Variants in SNED1 observed in about 807,000 individuals in gnomAD.
The protein encoded by SNED1 is sushi, nidogen and EGF-like domain-containing protein 1.
In SNED1, 81 loss-of-function variants were observed where a neutral mutation model predicts 166.7. That is an observed-to-expected ratio of 0.49 (90% CI 0.41 to 0.58). The LOEUF (loss-of-function observed/expected upper bound fraction) is 0.58, where lower values mean the gene tolerates loss of function less well. Among genes scored for constraint, SNED1 ranks in the 20% least tolerant of loss-of-function variants. SNED1 has a pLI of 0.00. For missense variants in SNED1, 1,604 were observed against 2,000.2 expected (o/e 0.80, Z 3.78); for synonymous variants, 762 against 822.0 (o/e 0.93, Z 1.25).
rs1336343531 is a variant in SNED1, at chr2:241,073,263, T to G, written c.3818-3T>G. ...CGTGTGGTCACCGCCTGGCTTCTCCTAGAACCCACAGCCTCGGCGCAGCTC... is the reference window on the plus strand; with the variant it reads ...CGTGTGGTCACCGCCTGGCTTCTCCGAGAACCCACAGCCTCGGCGCAGCTC... On this transcript the variant is annotated splice_polypyrimidine_tract_variant and splice_region_variant and intron_variant, in intron 26 of 31. Coordinates refer to ENST00000310397, the MANE Select transcript of SNED1 (RefSeq NM_001080437.3). This position sits in a 1 kb window ranked among gnomAD's most constrained non-coding sequence, Gnocchi z 6.6. The G allele has an allele frequency of 1.9e-6, 3 of 1,554,044 alleles. No individual in the cohort carries two copies. The African/African-American group carries it at 4.1e-5, about 21-fold the overall frequency.
chr2:241,069,953 G>A lies in SNED1; in HGVS notation c.3341G>A (p.Arg1114Gln), dbSNP rs373280615. 2.9e-5 allele frequency: 46 copies of A among 1,612,728 alleles called. No individual in the cohort carries two copies. The highest frequency in any genetic ancestry group is 3.6e-5 in the Non-Finnish European group (42 of 1,179,826). ...CCTCCAGCAAACCTGACCGCCGCCC[G>A]AGTCACTGCCACCTCTGCCCACGTG... ...PLPPANLTAA[R>Q]VTATSAHVVW... Residue 1114 changes from arginine to glutamine, a missense_variant, in exon 24 of 32, where the codon CGA becomes CAA. This residue lies in a region of SNED1 where 1,237 missense variants were observed against 1,620.8 expected (regional missense o/e 0.76). Transcript: ENST00000310397. This position sits in a 1 kb window ranked among gnomAD's most constrained non-coding sequence, Gnocchi z 4.9.
Position 241,082,336 on chromosome 2 carries a change from G to A in SNED1, c.4093G>A (p.Val1365Ile). 6.2e-7 allele frequency: 1 copy of A among 1,613,590 alleles called. No individual in the cohort carries two copies. Among genetic ancestry groups the A allele is most frequent in the Non-Finnish European group, 8.5e-7 (1 of 1,179,562 alleles). ...RLFSETKAFP[V>I]WEGGVCHHVY... ...GTTCTCCGAGACAAAGGCCTTTCCA[G>A]TCTGGGAGGGAGGCGTCTGTCACCA... The change falls in exon 29 of 32, where the codon GTC becomes ATC. Residue 1365 changes from valine (V) to isoleucine (I), a missense_variant. This residue lies in a region of SNED1 where 367 missense variants were observed against 379.4 expected (regional missense o/e 0.97). Coordinates refer to ENST00000310397, the MANE Select transcript of SNED1 (RefSeq NM_001080437.3).
At position 241,064,832 on chromosome 2, in the gene SNED1, T is replaced by G. The variant is rs764311349; in HGVS notation, c.2600-12T>G. On this transcript the variant is annotated splice_polypyrimidine_tract_variant and intron_variant, in intron 19 of 31. Transcript: ENST00000310397. The surrounding 1 kb of genome is among the most constrained non-coding windows in gnomAD (Gnocchi z 7.0). ...ACGCCCCAACATACACTGCCACTTT[T>G]TCTCCCCTCAGTGAGTGACCCCTGC... 6.4e-7 allele frequency: 1 copy of G among 1,570,086 alleles called. No individual in the cohort carries two copies. The highest frequency in any genetic ancestry group is 2.4e-5 in the East Asian group (1 of 42,198).
intron 31 of SNED1, chr2:241,089,303 A>G: frequency 4.5e-6 from 7 of 1,550,100 alleles, no homozygotes; most frequent in Non-Finnish European, 6.1e-6. Flanking sequence ...CTGGTGGCGC[A>G]GATGAGTGAG....
At chr2:241,009,789 C>T (rs1339903090) in intron 1 of SNED1, among the ~76,000 whole-genome samples, 4 of 151,704 alleles carry the variant, frequency 2.6e-5, no homozygotes, top group African/African-American at 9.8e-5. Context: ...TGGGTGACTG[C>T]TTCTGTCCCA....
intron 16 of SNED1, among the ~76,000 whole-genome samples, chr2:241,056,446 A>G (rs2062041658): frequency 6.6e-6 from 1 of 151,354 alleles, no homozygotes; most frequent in African/African-American, 2.5e-5. Context: ...GCTTAACAAA[A>G]TGGATACAAC....
rs747457450 is a variant in SNED1, at chr2:241,069,999, A to T, written c.3387A>T (p.Pro1129=). The T allele has an allele frequency of 6.2e-7, 1 of 1,612,868 alleles. No homozygotes were observed. The highest frequency in any genetic ancestry group is 1.7e-5 in the Admixed American group (1 of 60,006). The change falls in exon 24 of 32, where the codon CCA becomes CCT. Residue 1129 remains proline, a synonymous_variant. Coordinates refer to ENST00000310397, the MANE Select transcript of SNED1 (RefSeq NM_001080437.3). This position sits in a 1 kb window ranked among gnomAD's most constrained non-coding sequence, Gnocchi z 4.9. ...ACGTGGTCTGGGATGCCCCGACTCCAGGCAGCTTGCTGGAGGCTTATGTCA... is the reference window on the plus strand; with the variant it reads ...ACGTGGTCTGGGATGCCCCGACTCCTGGCAGCTTGCTGGAGGCTTATGTCA... ...SAHVVWDAPT[P]GSLLEAYVIN...
intron 4 of SNED1, among the ~76,000 whole-genome samples, chr2:241,035,953 GGGTTGGA>G (rs1174725590): frequency 2.2e-5 from 2 of 91,302 alleles, no homozygotes; most frequent in South Asian, 4.7e-4. Flanking sequence ...GTGTGCCACG[GGGTTGGA>G]GGTGGGGCGT....
At chr2:241,089,507 A>G in intron 31 of SNED1, 1 of 1,406,178 alleles carries the variant, frequency 7.1e-7, no homozygotes, top group East Asian at 2.5e-5. Flanking sequence ...GGAGCTCCGC[A>G]CATGGCAGGA....
intron 8 of SNED1, among the ~76,000 whole-genome samples, chr2:241,044,029 GT>G (rs1233777915): frequency 6.6e-6 from 1 of 152,106 alleles, no homozygotes; most frequent in African/African-American, 2.4e-5. Context: ...GATATACATT[GT>G]AAACCCAAAA....
chr2:241,036,308 G>A (rs2061366895), intron 4 of SNED1, among the ~76,000 whole-genome samples: 1 of 152,112 alleles, frequency 6.6e-6, no homozygotes, highest in South Asian at 2.1e-4. Flanking sequence ...GGGCTCACGG[G>A]GCGGGGAGCC....
intron 1 of SNED1, among the ~76,000 whole-genome samples, chr2:241,017,537 G>T (rs2060634084): frequency 6.6e-6 from 1 of 152,244 alleles, no homozygotes; most frequent in African/African-American, 2.4e-5. Flanking sequence ...GAGTGGACAG[G>T]GCCTTGTATT....
chr2:241,004,819 T>A (rs1488900191), intron 1 of SNED1, among the ~76,000 whole-genome samples: 1 of 152,136 alleles, frequency 6.6e-6, no homozygotes, highest in East Asian at 1.9e-4. Context: ...GCCTCCCAGG[T>A]TCAAGCAATT....
intron 15 of SNED1, among the ~76,000 whole-genome samples, chr2:241,052,740 G>A (rs1424228977): frequency 1.1e-5 from 1 of 91,198 alleles, no homozygotes; most frequent in East Asian, 3.0e-4. Context: ...TGCCAGGCAG[G>A]TGAGAGGGCC....
At position 241,024,221 on chromosome 2, in the gene SNED1, T is replaced by G. The variant is rs1210664592; in HGVS notation, c.214-6063T>G. Among the ~76,000 whole-genome samples the G allele has an allele frequency of 2.0e-5, 3 of 148,112 alleles. No individual in the cohort carries two copies. In the East Asian group the frequency reaches 5.9e-4, roughly 29 times the overall value. ...TCAATGCATGTCTGGTGTAGTTGTA[T>G]TTCACTCTACTACCTTTTTTTTTTT... is the stretch of plus-strand genomic sequence containing the variant. On this transcript the variant is annotated intron_variant, in intron 1 of 31. Transcript: ENST00000310397.
chr2:241,022,464 C>A (rs77412039), intron 1 of SNED1, among the ~76,000 whole-genome samples: 2,590 of 152,266 alleles, frequency 0.017, 39 homozygotes, highest in South Asian at 0.041. Context: ...CTTACCAGCA[C>A]CATTTGTTGA....
intron 16 of SNED1, among the ~76,000 whole-genome samples, chr2:241,057,979 A>C (rs1336214035): frequency 6.6e-6 from 1 of 152,186 alleles, no homozygotes; most frequent in Non-Finnish European, 1.5e-5. Flanking sequence ...ATTATGATAG[A>C]AAAAATACAA....
intron 16 of SNED1, among the ~76,000 whole-genome samples, chr2:241,057,935 CAGA>C (rs1485567157): frequency 1.3e-5 from 2 of 151,982 alleles, no homozygotes; most frequent in African/African-American, 4.8e-5. Flanking sequence ...AAAAAGTAAT[CAGA>C]AGAACATGGC....
intron 29 of SNED1, among the ~76,000 whole-genome samples, chr2:241,082,997 C>T (rs2063402353): frequency 6.6e-6 from 1 of 152,006 alleles, no homozygotes; most frequent in Non-Finnish European, 1.5e-5. Context: ...ACTCAGCACA[C>T]ATCAGAACAG....
Sources: allele counts gnomAD v4.1 joint callset (sites outside exome capture counted in the v4.1 genomes callset), GRCh38; gene constraint gnomAD v4.1.1; regional missense constraint gnomAD v4.1.1; non-coding constraint Gnocchi (gnomAD v3.1); transcripts MANE v1.5; gene names NCBI Gene and HGNC (gene_info 2026-07-23, HGNC 2026-07-21).